Variants in MALT1 observed in about 807,000 individuals in gnomAD.
The protein encoded by MALT1 is mucosa-associated lymphoid tissue lymphoma translocation protein 1.
In MALT1, 36 loss-of-function variants were observed where a neutral mutation model predicts 85.5. The ratio of observed to expected loss-of-function variants is 0.42; its 90% CI spans 0.32 to 0.56. The LOEUF (loss-of-function observed/expected upper bound fraction) is 0.56, where lower values mean the gene tolerates loss of function less well. Among genes scored for constraint, MALT1 ranks in the 20% least tolerant of loss-of-function variants. MALT1 has a pLI of 0.10. For synonymous variants in MALT1, 359 were observed against 361.3 expected, an observed-to-expected ratio of 0.99 and a Z score of 0.07; for missense variants, 716 against 981.6, an observed-to-expected ratio of 0.73 and a Z score of 3.62.
chr18:58,746,165 A>G (rs62093495), intron 16 of MALT1, among the ~76,000 whole-genome samples: 25,481 of 152,112 alleles, frequency 0.17, 2,709 homozygotes, highest in East Asian at 0.29. Flanking sequence ...CTACAGGCAC[A>G]TGCCACTACA....
chr18:58,733,951 G>A (rs2144462451), intron 11 of MALT1: 1 of 1,151,086 alleles, frequency 8.7e-7, no homozygotes, highest in Non-Finnish European at 1.1e-6. Context: ...TTCCAGACAT[G>A]GAATGAGTAG....
At chr18:58,692,849 A>G (rs1229862764) in intron 2 of MALT1, among the ~76,000 whole-genome samples, 1 of 152,218 alleles carries the variant, frequency 6.6e-6, no homozygotes, top group African/African-American at 2.4e-5. Flanking sequence ...CACACGAATG[A>G]TAAGAAAGCA....
At chr18:58,739,289 A>G (rs1324746757) in intron 13 of MALT1, among the ~76,000 whole-genome samples, 1 of 152,072 alleles carries the variant, frequency 6.6e-6, no homozygotes, top group Non-Finnish European at 1.5e-5. Flanking sequence ...ACTTTCTTAT[A>G]GTATTTGGTT....
At chr18:58,704,287 C>A (rs2144371709) in intron 4 of MALT1, among the ~76,000 whole-genome samples, 1 of 152,274 alleles carries the variant, frequency 6.6e-6, no homozygotes, top group Admixed American at 6.5e-5. Context: ...GCATTACCAC[C>A]AACAGCGTAT....
At chr18:58,727,749 CAGT>C (rs2055084557) in intron 10 of MALT1, among the ~76,000 whole-genome samples, 1 of 151,406 alleles carries the variant, frequency 6.6e-6, no homozygotes, top group Non-Finnish European at 1.5e-5. Flanking sequence ...AAAAAGCCAG[CAGT>C]AGATTATAGA....
chr18:58,693,873 T>G (rs1177379480), intron 2 of MALT1, among the ~76,000 whole-genome samples: 1 of 152,192 alleles, frequency 6.6e-6, no homozygotes, highest in Non-Finnish European at 1.5e-5. Context: ...TTTTTTAGAT[T>G]TATTACTTGT....
At chr18:58,704,040 C>T (rs2054711358) in intron 4 of MALT1, among the ~76,000 whole-genome samples, 1 of 152,140 alleles carries the variant, frequency 6.6e-6, no homozygotes, top group African/African-American at 2.4e-5. Context: ...AGTAACATTC[C>T]ATTGTATGGA....
rs117239113 is a variant in MALT1, at chr18:58,744,236, A to T, written c.1754-102A>T. The T allele has an allele frequency of 6.0e-3, 4,274 of 707,800 alleles. 41 individuals are homozygous for T. The highest frequency in any genetic ancestry group is 5.1e-3 in the Non-Finnish European group (2,228 of 436,830). The allele number at this position is 707,800 out of a possible 1,614,324, so 43.8% of individuals were successfully genotyped here. On this transcript the variant is annotated intron_variant, in intron 14 of 16. Coordinates refer to ENST00000649217, the MANE Select transcript of MALT1 (RefSeq NM_006785.4). ...TGTATGTGTTTAAACAATGTAAATCATGTTTTTAAGCAAAAGAAATGCTAA... is the reference window on the plus strand; with the variant it reads ...TGTATGTGTTTAAACAATGTAAATCTTGTTTTTAAGCAAAAGAAATGCTAA...
In MALT1 at chr18:58,671,776, C is replaced by G. The variant is rs549192343; in HGVS notation, c.133C>G (p.Leu45Val). Reference protein sequence around the residue: ...EPLLRRLSELLDQAPEGRGWR... With the variant: ...EPLLRRLSELVDQAPEGRGWR... ...GCTGCTGCGGAGGCTCAGCGAGCTC[C>G]TGGATCAGGCGCCCGAGGGCCGGGG... is the stretch of plus-strand genomic sequence containing the variant. The change falls in exon 1 of 17, where the codon CTG (leucine) becomes GTG (valine). Residue 45 changes from leucine to valine, a missense_variant. Leu to Val is a conservative substitution (Grantham distance 32). This residue lies in a region of MALT1 where 80 missense variants were observed against 65.1 expected (regional missense o/e 1.23). Transcript: ENST00000649217. The G allele has an allele frequency of 2.7e-5, 34 of 1,255,616 alleles. No individual in the cohort carries two copies. In the African/African-American group the frequency reaches 4.5e-4, roughly 17 times the overall value. 77.8% of individuals were successfully genotyped at this position (1,255,616 alleles called of 1,614,324 possible).
chr18:58,671,789 C>A lies in MALT1; in HGVS notation c.146C>A (p.Pro49His). The change falls in exon 1 of 17, where the codon CCC becomes CAC. Residue 49 changes from proline to histidine, a missense_variant. Coordinates refer to ENST00000649217, the MANE Select transcript of MALT1 (RefSeq NM_006785.4). ...CTCAGCGAGCTCCTGGATCAGGCGC[C>A]CGAGGGCCGGGGCTGGAGGAGACTG... ...RRLSELLDQAPEGRGWRRLAE... is the reference protein window; with the variant it reads ...RRLSELLDQAHEGRGWRRLAE... 1 of 1,252,034 alleles carries A rather than the reference C, an allele frequency of 8.0e-7. No homozygotes were observed. Among genetic ancestry groups the A allele is most frequent in the South Asian group, 3.0e-5 (1 of 32,932 alleles). 77.6% of individuals were successfully genotyped at this position (1,252,034 alleles called of 1,614,324 possible).
rs1602263180 is a variant in MALT1, at chr18:58,671,696, C to T, written c.53C>T (p.Thr18Met). Residue 18 changes from threonine (T) to methionine (M), a missense_variant, in exon 1 of 17, where the codon ACG becomes ATG. Around this residue, in one of 4 missense-constraint regions of MALT1, gnomAD observed 80 missense variants for 65.1 expected, o/e 1.23. Transcript: ENST00000649217. ...LQALPPSAAP[T>M]GPLLAPPAGA... ...GCCCTGCCGCCCTCGGCCGCCCCCA[C>T]GGGGCCGCTGCTCGCCCCTCCGGCC... 1 of 1,259,072 alleles carries T rather than the reference C, an allele frequency of 7.9e-7. No individual in the cohort carries two copies. The highest frequency in any genetic ancestry group is 1.0e-6 in the Non-Finnish European group (1 of 1,003,264). The allele number at this position is 1,259,072 out of a possible 1,614,324, so 78.0% of individuals were successfully genotyped here. A position where few individuals can be genotyped will look rare whatever the true frequency, so the allele number is the denominator to read the frequency against.
chr18:58,700,245 T>TA (rs1272201293), intron 3 of MALT1, among the ~76,000 whole-genome samples, 196 bp from the exon 4 acceptor site: 1 of 152,246 alleles, frequency 6.6e-6, no homozygotes, highest in Non-Finnish European at 1.5e-5. Context: ...TATGGATTTG[T>TA]AAAAGACTGG....
intron 15 of MALT1, 25 bp downstream of exon 15, chr18:58,744,520 TAC>T: frequency 1.3e-6 from 2 of 1,528,558 alleles, no homozygotes; most frequent in Admixed American, 1.9e-5. Context: ...TTATTTAAAA[TAC>T]AGTGATATAT....
rs116929728 is a variant in MALT1 at position 58,743,641 on chromosome 18, A to T, written c.1754-697A>T. On this transcript the variant is annotated intron_variant, in intron 14 of 16. Coordinates refer to ENST00000649217, the MANE Select transcript of MALT1 (RefSeq NM_006785.4). ...GAGAAAAAAAATTAAGACCCTCCTCAGTAAACAAGCAAATGATACAAATTC... is the reference window on the plus strand; with the variant it reads ...GAGAAAAAAAATTAAGACCCTCCTCTGTAAACAAGCAAATGATACAAATTC... 3.9e-3 allele frequency among the ~76,000 whole-genome samples: 596 copies of T among 152,306 alleles called. 5 individuals are homozygous for T. The highest frequency in any genetic ancestry group is 6.0e-3 in the Non-Finnish European group (410 of 68,018).
chr18:58,724,149 A>G (rs963301072), intron 10 of MALT1, among the ~76,000 whole-genome samples: 5 of 152,154 alleles, frequency 3.3e-5, no homozygotes, highest in African/African-American at 7.2e-5. Context: ...TACTCTTGTT[A>G]TTTATAATTA....
intron 2 of MALT1, among the ~76,000 whole-genome samples, chr18:58,681,662 T>C (rs1178131127): frequency 2.0e-5 from 3 of 152,150 alleles, no homozygotes; most frequent in African/African-American, 7.2e-5. Context: ...TTAAAGTATT[T>C]AGGGAGAAGA....
In MALT1 at chr18:58,708,741, A is replaced by G. The variant is rs915135520; in HGVS notation, c.650-637A>G. The stretch of plus-strand genomic sequence containing the variant: ...TAATAATATATCTATAAGTGGAATC[A>G]TATTCATTCAATGAATATTACTGAT... On this transcript the variant is annotated intron_variant, in intron 4 of 16. Transcript: ENST00000649217. 6.6e-5 allele frequency among the ~76,000 whole-genome samples: 10 copies of G among 152,236 alleles called. No individual in the cohort carries two copies. In the South Asian group the frequency reaches 1.4e-3, roughly 22 times the overall value.
intron 2 of MALT1, among the ~76,000 whole-genome samples, chr18:58,682,145 C>T (rs1455760060): frequency 1.3e-5 from 2 of 152,060 alleles, no homozygotes; most frequent in East Asian, 1.9e-4. Context: ...CTCTATTTTA[C>T]GTGGTTTTGA....
At chr18:58,676,251 C>A (rs998998033) in intron 1 of MALT1, among the ~76,000 whole-genome samples, 1 of 152,118 alleles carries the variant, frequency 6.6e-6, no homozygotes, top group African/African-American at 2.4e-5. Context: ...CTATTGTGGC[C>A]AGGCGTGGTA....
Sources: allele counts gnomAD v4.1 joint callset (sites outside exome capture counted in the v4.1 genomes callset), GRCh38; gene constraint gnomAD v4.1.1; regional missense constraint gnomAD v4.1.1; transcripts MANE v1.5; gene names NCBI Gene and HGNC (gene_info 2026-07-23, HGNC 2026-07-21).